The following OR1L8 variants were observed in gnomAD, a reference collection of about 807,000 sequenced individuals.
The protein encoded by OR1L8 is olfactory receptor 1L8.
For missense variants in OR1L8, 330 were observed against 377.4 expected (o/e 0.87, Z 1.04); for synonymous variants, 148 against 147.0 (o/e 1.01, Z -0.05).
the OR1L8 span, among the ~76,000 whole-genome samples, chr9:122,559,444 T>A: frequency 2.5e-3 from 376 of 152,260 alleles, 2 homozygotes; most frequent in African/African-American, 8.8e-3. Flanking sequence ...TCTTTCCTGC[T>A]TTCTCTTGTG....
chr9:122,554,198 A>T, the OR1L8 span: 1 of 1,501,656 alleles, frequency 6.7e-7, no homozygotes, highest in Non-Finnish European at 9.1e-7. Flanking sequence ...ATCTTGATCA[A>T]CCCCTCCCTG....
chr9:122,566,187 G>A (rs1166637354), downstream of OR1L8, among the ~76,000 whole-genome samples: 3 of 152,176 alleles, frequency 2.0e-5, no homozygotes, highest in South Asian at 4.1e-4. Flanking sequence ...TAAAGTAAAC[G>A]TGCCAAAATC....
intron 4 of OR1L8, among the ~76,000 whole-genome samples, chr9:122,571,222 C>A (rs1348758837): frequency 6.6e-6 from 1 of 152,076 alleles, no homozygotes; most frequent in African/African-American, 2.4e-5. Flanking sequence ...AAAGCTTGAA[C>A]ACTAATGAGG....
chr9:122,566,234 T>C (rs554758707), downstream of OR1L8, among the ~76,000 whole-genome samples: 22 of 152,368 alleles, frequency 1.4e-4, no homozygotes, highest in South Asian at 3.9e-3. Flanking sequence ...AAAGTTTTTC[T>C]TCAACTGGTA....
intron 3 of OR1L8, among the ~76,000 whole-genome samples, chr9:122,574,000 G>A (rs541388284): frequency 9.5e-4 from 144 of 152,224 alleles, no homozygotes; most frequent in Admixed American, 1.8e-3. Context: ...TCTTTGCTCC[G>A]TTATATGTCT....
At chr9:122,554,005 C>T in the OR1L8 span, 29 of 1,613,760 alleles carry the variant, frequency 1.8e-5, 1 homozygote, top group African/African-American at 1.7e-4. Context: ...TATTTACTTC[C>T]TCCATCAACT....
At chr9:122,573,130 C>T (rs950184728) in intron 3 of OR1L8, among the ~76,000 whole-genome samples, 2 of 152,188 alleles carry the variant, frequency 1.3e-5, no homozygotes, top group Non-Finnish European at 2.9e-5. Context: ...GAGTTCTGCC[C>T]TCCTGGCCTC....
chr9:122,563,586 T>C (rs1829385742), downstream of OR1L8, among the ~76,000 whole-genome samples: 1 of 152,270 alleles, frequency 6.6e-6, no homozygotes, highest in South Asian at 2.1e-4. Flanking sequence ...GTTGATTGTT[T>C]CCTCTGCTGC....
At chr9:122,552,714 T>A in the OR1L8 span, among the ~76,000 whole-genome samples, 1,198 of 150,750 alleles carry the variant, frequency 7.9e-3, 12 homozygotes, top group Non-Finnish European at 0.014. Flanking sequence ...TATCTTGTCT[T>A]AAAAGTCAAT....
the OR1L8 span, among the ~76,000 whole-genome samples, chr9:122,558,969 C>T: frequency 4.8e-4 from 73 of 152,074 alleles, no homozygotes; most frequent in African/African-American, 1.5e-3. Flanking sequence ...GGTGATATTT[C>T]GATACCTGTA....
At chr9:122,580,209 A>G (rs1381015698) in intron 1 of OR1L8, among the ~76,000 whole-genome samples, 1 of 152,232 alleles carries the variant, frequency 6.6e-6, no homozygotes, top group Non-Finnish European at 1.5e-5. Context: ...GACAGTAGAA[A>G]AAGCAAAAAC....
the OR1L8 span, among the ~76,000 whole-genome samples, chr9:122,547,369 G>T: frequency 2.0e-5 from 3 of 152,058 alleles, no homozygotes; most frequent in Non-Finnish European, 4.4e-5. Flanking sequence ...TATTTTATTT[G>T]TTATATACTG....
the OR1L8 span, among the ~76,000 whole-genome samples, chr9:122,550,558 TG>T: frequency 3.0e-5 from 4 of 135,110 alleles, no homozygotes; most frequent in African/African-American, 1.2e-4. Flanking sequence ...CATGATCAAG[TG>T]GGTTTTTTTT....
rs1592029 is a variant in OR1L8 at position 122,575,285 on chromosome 9, T to G, written c.-342+1481A>C. ...TTAATATAAATTCTTCTTTAAATGT[T>G]TAGTAGAATTCACCAGTGAACCCAT... On this transcript the variant is annotated intron_variant, in intron 3 of 4. Transcript: ENST00000641027. 1.5e-3 allele frequency among the ~76,000 whole-genome samples: 234 copies of G among 152,242 alleles called. 2 individuals carry two copies. Among genetic ancestry groups the G allele is most frequent in the African/African-American group, 5.4e-3 (225 of 41,576 alleles).
chr9:122,565,708 TA>T (rs1829418553), downstream of OR1L8, among the ~76,000 whole-genome samples: 1 of 152,262 alleles, frequency 6.6e-6, no homozygotes, highest in Non-Finnish European at 1.5e-5. Context: ...GTTTTTAACT[TA>T]CCTTCTCCCC....
the OR1L8 span, among the ~76,000 whole-genome samples, chr9:122,549,031 G>T: frequency 1.3e-5 from 2 of 151,994 alleles, no homozygotes. Context: ...TGTTAGTCAT[G>T]AATTATTTGC....
intron 1 of OR1L8, among the ~76,000 whole-genome samples, chr9:122,580,245 A>G (rs1006042609): frequency 9.2e-5 from 14 of 152,354 alleles, no homozygotes; most frequent in African/African-American, 2.4e-4. Context: ...CGTCATTTCA[A>G]TATTTTAAAT....
At position 122,568,166 on chromosome 9, in the gene OR1L8, A is replaced by G. The variant is rs1829470763; in HGVS notation, c.312T>C (p.Phe104=). 2 of 1,614,066 alleles carry G rather than the reference A, an allele frequency of 1.2e-6. No individual in the cohort carries two copies. The highest frequency in any genetic ancestry group is 3.3e-5 in the Admixed American group (2 of 60,004). ...TGTCACTGTTGCCCAAGGCATAGAGAAAATACATCTGTGTCAGACACCCAG... is the reference window on the plus strand; with the variant it reads ...TGTCACTGTTGCCCAAGGCATAGAGGAAATACATCTGTGTCAGACACCCAG... The part of the protein sequence containing the change: ...SYAGCLTQMY[F]LYALGNSDSC... The change falls in exon 5 of 5, where the codon TTT becomes TTC. Residue 104 remains phenylalanine (F), a synonymous_variant. Transcript: ENST00000641027.
chr9:122,559,004 G>C, the OR1L8 span, among the ~76,000 whole-genome samples: 1 of 151,968 alleles, frequency 6.6e-6, no homozygotes, highest in Non-Finnish European at 1.5e-5. Context: ...ATCAAACTAG[G>C]ATAATTCACA....
Sources: gnomAD v4.1 joint callset for allele counts (sites outside exome capture counted in the v4.1 genomes callset) on GRCh38, gnomAD v4.1.1 for gene constraint, MANE v1.5 for transcripts, NCBI Gene and HGNC (gene_info 2026-07-23, HGNC 2026-07-21) for gene names.